The following KLRD1 variants were observed in gnomAD, a reference collection of about 807,000 sequenced individuals.
KLRD1 encodes the protein natural killer cells antigen CD94.
In KLRD1, 21 loss-of-function variants were observed where a neutral mutation model predicts 22.6. The observed-to-expected ratio is 0.93, with a 90% CI of 0.66 to 1.34. The LOEUF is 1.34. Ranked by LOEUF, KLRD1 falls within the 40% of genes most tolerant of loss-of-function variation. KLRD1 has a pLI of 0.00. For synonymous variants in KLRD1, 59 were observed against 71.1 expected (o/e 0.83, Z 0.85); for missense variants, 183 against 208.6 (o/e 0.88, Z 0.76).
intron 1 of KLRD1, among the ~76,000 whole-genome samples, chr12:10,255,243 T>A (rs1949384420): frequency 6.6e-6 from 1 of 152,236 alleles, no homozygotes; most frequent in Non-Finnish European, 1.5e-5. Flanking sequence ...TGAGGACTTT[T>A]AAAAATTATT....
In KLRD1 at chr12:10,316,848, G is replaced by C. The variant is rs1950241670; in HGVS notation, c.*2055G>C. On this transcript the variant is annotated 3_prime_UTR_variant, in exon 6 of 6. Transcript: ENST00000336164. ...TGTTACATAGGTATACATGTTCCAA[G>C]GTGGTTTGCTGCACCTATTGACCCA... 2 of 152,150 alleles carry C rather than the reference G, an allele frequency of 1.3e-5. No homozygotes were observed. Among genetic ancestry groups the C allele is most frequent in the Non-Finnish European group, 1.5e-5 (1 of 68,006 alleles). 9.4% of individuals were successfully genotyped at this position (152,150 alleles called of 1,614,324 possible).
intron 1 of KLRD1, among the ~76,000 whole-genome samples, chr12:10,259,515 C>T (rs1949429154): frequency 6.6e-6 from 1 of 152,078 alleles, no homozygotes; most frequent in South Asian, 2.1e-4. Flanking sequence ...AGTGTATGTA[C>T]TGTAGTAAAC....
At chr12:10,291,363 A>G (rs759329032) in intron 1 of KLRD1, among the ~76,000 whole-genome samples, 3 of 152,234 alleles carry the variant, frequency 2.0e-5, no homozygotes, top group East Asian at 1.9e-4. Context: ...TCTGTAGTCT[A>G]TGATGCTGTT....
intron 1 of KLRD1, among the ~76,000 whole-genome samples, chr12:10,261,281 A>G (rs929781012): frequency 1.2e-4 from 19 of 152,228 alleles, no homozygotes; most frequent in African/African-American, 4.6e-4. Flanking sequence ...ATTTACCATC[A>G]TTGATCTGAA....
At chr12:10,309,858 A>G (rs1480903539) in intron 3 of KLRD1, among the ~76,000 whole-genome samples, 170 bp downstream of exon 3, 1 of 152,220 alleles carries the variant, frequency 6.6e-6, no homozygotes, top group Non-Finnish European at 1.5e-5. Context: ...AAATGATTAA[A>G]TTACACTGAA....
chr12:10,260,420 T>C (rs984155876), intron 1 of KLRD1, among the ~76,000 whole-genome samples: 1 of 152,198 alleles, frequency 6.6e-6, no homozygotes, highest in African/African-American at 2.4e-5. Flanking sequence ...AAGCCTTTGA[T>C]AGTATGTAGT....
At chr12:10,296,113 G>A (rs1012831459) in intron 1 of KLRD1, among the ~76,000 whole-genome samples, 1 of 152,066 alleles carries the variant, frequency 6.6e-6, no homozygotes. Flanking sequence ...AGAGCACCTT[G>A]CCACAGCTGC....
rs1676441930 is a variant in KLRD1, at chr12:10,322,070, G to A, written c.*7277G>A. On this transcript the variant is annotated 3_prime_UTR_variant, in exon 6 of 6. Coordinates refer to ENST00000336164, the MANE Select transcript of KLRD1 (RefSeq NM_002262.5). ...AGAACATTTATTTATTTATTGAGAT[G>A]GAGTCTCACTCTGTCACCCAGGCTG... is the stretch of plus-strand genomic sequence containing the variant. 1 of 152,228 alleles carries A rather than the reference G, an allele frequency of 6.6e-6. No individual in the cohort carries two copies. The highest frequency in any genetic ancestry group is 1.5e-5 in the Non-Finnish European group (1 of 68,108). The allele number at this position is 152,228 out of a possible 1,614,324, so 9.4% of individuals were successfully genotyped here.
At chr12:10,268,265 A>G (rs1425279332) in intron 1 of KLRD1, among the ~76,000 whole-genome samples, 1 of 152,210 alleles carries the variant, frequency 6.6e-6, no homozygotes. Context: ...GGTGGCCCCT[A>G]GCGTCACCTC....
At chr12:10,278,954 T>C (rs935140834) in intron 1 of KLRD1, among the ~76,000 whole-genome samples, 6 of 151,368 alleles carry the variant, frequency 4.0e-5, no homozygotes, top group African/African-American at 1.5e-4. Context: ...TACAATTCTT[T>C]TTTTTTTTTT....
intron 1 of KLRD1, among the ~76,000 whole-genome samples, chr12:10,296,040 T>A (rs1355971679): frequency 1.3e-5 from 2 of 152,212 alleles, no homozygotes. Flanking sequence ...TTTTTCCTAT[T>A]TCTCATATAA....
At chr12:10,313,130 G>A (rs561215596) in intron 4 of KLRD1, among the ~76,000 whole-genome samples, 5 of 152,184 alleles carry the variant, frequency 3.3e-5, no homozygotes, top group South Asian at 2.1e-4. Flanking sequence ...TTGATCCCCC[G>A]TGAAGAAAGT....
At chr12:10,241,272 C>T (rs1234259082) in intron 1 of KLRD1, among the ~76,000 whole-genome samples, 3 of 152,074 alleles carry the variant, frequency 2.0e-5, no homozygotes, top group Admixed American at 1.3e-4. Context: ...CTCTTTGTTA[C>T]GGTTTGTATA....
rs1950192914 is a variant in KLRD1, at chr12:10,315,062, ATTACACATTTATGTAATTTTAT to A, written c.*275_*296del. 1 of 282,370 alleles carries A rather than the reference ATTACACATTTATGTAATTTTAT, an allele frequency of 3.5e-6. No homozygotes were observed. The highest frequency in any genetic ancestry group is 1.1e-3 in the Middle Eastern group (1 of 914). 17.5% of individuals were successfully genotyped at this position (282,370 alleles called of 1,614,324 possible). A position where few individuals can be genotyped will look rare whatever the true frequency, so the allele number is the denominator to read the frequency against. ...TTAATGTTAAATTCAATGTAGTTTT[ATTACACATTTATGTAATTTTAT>A]TTACATTCTTGCTAATTCTCAGCAG... On this transcript the variant is annotated 3_prime_UTR_variant, in exon 6 of 6. Transcript: ENST00000336164.
chr12:10,245,565 T>G (rs999080129), intron 1 of KLRD1, among the ~76,000 whole-genome samples: 4 of 152,190 alleles, frequency 2.6e-5, no homozygotes, highest in Admixed American at 2.0e-4. Context: ...TGAATTTAAC[T>G]ATATAAATAA....
chr12:10,265,691 A>G (rs1949492213), intron 1 of KLRD1, among the ~76,000 whole-genome samples: 1 of 152,224 alleles, frequency 6.6e-6, no homozygotes, highest in Non-Finnish European at 1.5e-5. Context: ...CAGAAGGCAG[A>G]GGTTGCAATG....
intron 1 of KLRD1, among the ~76,000 whole-genome samples, chr12:10,297,216 T>C (rs1035956362): frequency 2.6e-5 from 4 of 152,218 alleles, no homozygotes; most frequent in African/African-American, 9.6e-5. Flanking sequence ...ACCATCTCTT[T>C]TTGATCATTC....
upstream of KLRD1, among the ~76,000 whole-genome samples, chr12:10,300,582 C>T (rs1949858313): frequency 6.6e-6 from 1 of 152,132 alleles, no homozygotes; most frequent in Non-Finnish European, 1.5e-5. Context: ...TCTTAAGGCC[C>T]TAAAGTTTCA....
intron 1 of KLRD1, among the ~76,000 whole-genome samples, chr12:10,269,826 A>G (rs1949532807): frequency 1.3e-5 from 2 of 152,018 alleles, no homozygotes; most frequent in Non-Finnish European, 2.9e-5. Context: ...GTATTTGATA[A>G]ATTTATTATT....
Sources: allele counts gnomAD v4.1 joint callset (sites outside exome capture counted in the v4.1 genomes callset), GRCh38; gene constraint gnomAD v4.1.1; transcripts MANE v1.5; gene names NCBI Gene and HGNC (gene_info 2026-07-23, HGNC 2026-07-21).